The following CCR3 variants were observed in gnomAD, a reference collection of about 807,000 sequenced individuals.
CCR3 encodes the protein C-C chemokine receptor type 3.
For missense variants in CCR3, 419 were observed against 437.5 expected (o/e 0.96, Z 0.38); for synonymous variants, 203 against 179.2 (o/e 1.13, Z -1.06).
rs370898552 is a variant in CCR3 at position 46,265,781 on chromosome 3, T to G, written c.623T>G (p.Leu208Arg). ...ACTCTGAGAATGACCATCTTCTGTC[T>G]CGTTCTCCCTCTGCTCGTTATGGCC... ...FHTLRMTIFC[L>R]VLPLLVMAIC... The change falls in exon 2 of 2, where the codon CTC becomes CGC. Residue 208 changes from leucine (L) to arginine (R), a missense_variant. Leu to Arg is a moderately radical substitution (Grantham distance 102). Coordinates refer to ENST00000395940, the MANE Select transcript of CCR3 (RefSeq NM_178329.3). The G allele has an allele frequency of 1.3e-5, 21 of 1,613,812 alleles. No homozygotes were observed. In the Admixed American group the frequency reaches 3.0e-4, roughly 23 times the overall value.
At chr3:46,235,369 C>A (rs1700012669) in intron 2 of CCR3, among the ~76,000 whole-genome samples, 1 of 152,194 alleles carries the variant, frequency 6.6e-6, no homozygotes, top group Admixed American at 6.5e-5. Context: ...TAAGACATAA[C>A]AACACATGCT....
intron 1 of CCR3, among the ~76,000 whole-genome samples, chr3:46,253,362 CAT>C (rs1288428080): frequency 6.6e-6 from 1 of 152,148 alleles, no homozygotes; most frequent in Non-Finnish European, 1.5e-5. Context: ...GGGAGTCACA[CAT>C]AATTCTGATT....
intron 2 of CCR3, among the ~76,000 whole-genome samples, chr3:46,221,982 AT>A (rs1174175447): frequency 1.3e-5 from 2 of 151,872 alleles, no homozygotes; most frequent in African/African-American, 4.8e-5. Flanking sequence ...TGTCCACACA[AT>A]TTCCCACAGG....
intron 2 of CCR3, among the ~76,000 whole-genome samples, chr3:46,230,739 C>G (rs979283881): frequency 6.6e-6 from 1 of 152,198 alleles, no homozygotes; most frequent in Admixed American, 6.5e-5. Flanking sequence ...CTCCGGATCA[C>G]TGTCCTAGTT....
intron 2 of CCR3, among the ~76,000 whole-genome samples, chr3:46,212,007 G>C (rs188714732): frequency 6.6e-6 from 1 of 152,068 alleles, no homozygotes; most frequent in South Asian, 2.1e-4. Flanking sequence ...TGGCCTGCTC[G>C]TTCCTCCTCT....
chr3:46,214,175 C>T (rs1319985929), intron 2 of CCR3, among the ~76,000 whole-genome samples: 1 of 152,212 alleles, frequency 6.6e-6, no homozygotes, highest in Non-Finnish European at 1.5e-5. Context: ...TCCAACACCA[C>T]CTGTTATCCT....
intron 1 of CCR3, among the ~76,000 whole-genome samples, chr3:46,248,658 G>A (rs1700246916): frequency 2.0e-5 from 3 of 152,150 alleles, no homozygotes; most frequent in South Asian, 2.1e-4. Context: ...GAAGTAATGG[G>A]GGCTGTCTGT....
At chr3:46,243,002 TACGCAC>T (rs1700121306) in intron 1 of CCR3, among the ~76,000 whole-genome samples, 55 of 123,544 alleles carry the variant, frequency 4.5e-4, no homozygotes, top group East Asian at 1.0e-3. Flanking sequence ...TATATATATA[TACGCAC>T]ACACACATAC....
At chr3:46,235,298 A>G (rs1351776674) in intron 2 of CCR3, among the ~76,000 whole-genome samples, 2 of 152,196 alleles carry the variant, frequency 1.3e-5, no homozygotes, top group African/African-American at 4.8e-5. Flanking sequence ...CCAGAAGACT[A>G]AGTAGGCAAT....
intron 2 of CCR3, among the ~76,000 whole-genome samples, chr3:46,221,753 C>T (rs34289272): frequency 0.062 from 9,376 of 152,236 alleles, 488 homozygotes; most frequent in South Asian, 0.25. Flanking sequence ...GGCAGGTTTC[C>T]GGTTGTTGAA....
At chr3:46,254,555 T>C (rs1292364413) in intron 1 of CCR3, among the ~76,000 whole-genome samples, 4 of 152,122 alleles carry the variant, frequency 2.6e-5, no homozygotes, top group African/African-American at 9.7e-5. Context: ...TCTTTAGTGG[T>C]GATTTCTGAG....
chr3:46,239,069 T>C (rs890079490), upstream of CCR3, among the ~76,000 whole-genome samples: 1 of 152,176 alleles, frequency 6.6e-6, no homozygotes, highest in Non-Finnish European at 1.5e-5. Context: ...ACCCTTAAAA[T>C]GGGTGCAAGC....
chr3:46,247,192 G>GA (rs1171461229), intron 1 of CCR3, among the ~76,000 whole-genome samples: 4 of 152,050 alleles, frequency 2.6e-5, no homozygotes, highest in African/African-American at 4.8e-5. Context: ...GTGATGGCTT[G>GA]AAAAAACAGT....
intron 2 of CCR3, among the ~76,000 whole-genome samples, chr3:46,234,172 T>C (rs185856262): frequency 1.3e-5 from 2 of 152,248 alleles, no homozygotes; most frequent in Non-Finnish European, 1.5e-5. Context: ...TAAAGATAGG[T>C]TTGAGAAATG....
intron 1 of CCR3, among the ~76,000 whole-genome samples, chr3:46,261,778 T>C (rs146040404): frequency 1.3e-5 from 2 of 151,972 alleles, no homozygotes; most frequent in East Asian, 3.9e-4. Flanking sequence ...GGGCAGGGAG[T>C]CAAGGAGCAG....
At chr3:46,257,177 C>G (rs1700443525) in intron 1 of CCR3, among the ~76,000 whole-genome samples, 2 of 152,214 alleles carry the variant, frequency 1.3e-5, no homozygotes, top group South Asian at 4.1e-4. Context: ...AGTAACTTGG[C>G]AAGGGAAATT....
At chr3:46,234,629 AC>A (rs5848787) in intron 2 of CCR3, among the ~76,000 whole-genome samples, 29,048 of 151,964 alleles carry the variant, frequency 0.19, 3,040 homozygotes, top group Admixed American at 0.27. Context: ...CCCACAAAAT[AC>A]CCCCTGATTT....
chr3:46,236,486 G>A (rs1258376323), intron 2 of CCR3, among the ~76,000 whole-genome samples: 2 of 152,242 alleles, frequency 1.3e-5, no homozygotes, highest in African/African-American at 2.4e-5. Context: ...GTAGAAGTCT[G>A]CTTCCATGTA....
intron 2 of CCR3, among the ~76,000 whole-genome samples, chr3:46,232,235 T>G (rs1559527720): frequency 6.6e-6 from 1 of 152,160 alleles, no homozygotes; most frequent in Non-Finnish European, 1.5e-5. Flanking sequence ...GGGAATGCCC[T>G]GAAGGAATAT....
Sources: gnomAD v4.1 joint callset for allele counts (sites outside exome capture counted in the v4.1 genomes callset) on GRCh38, gnomAD v4.1.1 for gene constraint, MANE v1.5 for transcripts, NCBI Gene and HGNC (gene_info 2026-07-23, HGNC 2026-07-21) for gene names.